KPNA5: variants seen among roughly 807,000 people sequenced by gnomAD.
The protein encoded by KPNA5 is karyopherin subunit alpha 5.
In KPNA5, 46 loss-of-function variants were observed where a neutral mutation model predicts 71.3. The observed-to-expected ratio is 0.65, with a 90% CI of 0.51 to 0.83. KPNA5 has a LOEUF of 0.83. Ranked by LOEUF, KPNA5 falls within the 40% of genes least tolerant of loss-of-function variation. The pLI, the probability that KPNA5 is intolerant of heterozygous loss-of-function variation, is 0.00. For missense variants in KPNA5, 547 were observed against 628.3 expected, an observed-to-expected ratio of 0.87 and a Z score of 1.38; for synonymous variants, 207 against 201.4, an observed-to-expected ratio of 1.03 and a Z score of -0.24.
chr6:116,694,150 T>C (rs1003095682), intron 4 of KPNA5, among the ~76,000 whole-genome samples: 6 of 152,224 alleles, frequency 3.9e-5, no homozygotes, highest in African/African-American at 1.4e-4. Context: ...CCTTGTGTTA[T>C]AGTTTGAAAT....
chr6:116,694,489 C>G (rs561264428), intron 4 of KPNA5, among the ~76,000 whole-genome samples: 2 of 152,186 alleles, frequency 1.3e-5, no homozygotes, highest in South Asian at 4.1e-4. Context: ...ATTTTATTCT[C>G]TTTGAAGCAA....
In KPNA5 at chr6:116,722,221, T is replaced by C. The variant is rs1208533139; in HGVS notation, c.852T>C (p.Asp284=). The change falls in exon 9 of 14, where the codon GAT becomes GAC. Residue 284 remains aspartate (D), a synonymous_variant. Transcript: ENST00000368564. ...GTTGGGCCCTTTCTTATCTCTCCGA[T>C]GGACCCAATGATAAAATTCAAGCAG... The part of the protein sequence containing the change: ...DVCWALSYLS[D]GPNDKIQAVI... 7 of 1,613,288 alleles carry C rather than the reference T, an allele frequency of 4.3e-6. No individual in the cohort carries two copies. In the South Asian group the frequency reaches 4.4e-5, roughly 10 times the overall value.
Position 116,732,244 on chromosome 6 carries a change from T to C in KPNA5, c.1541T>C (p.Ile514Thr). 6.3e-7 allele frequency: 1 copy of C among 1,596,486 alleles called. No homozygotes were observed. Among genetic ancestry groups the C allele is most frequent in the Non-Finnish European group, 8.5e-7 (1 of 1,171,200 alleles). ...YFGVEEDDPS[I>T]VPQVDENQQQ... ...GGTGTAGAAGAAGATGACCCCAGCA[T>C]TGTACCTCAGGTGGATGAAAACCAA... The change falls in exon 14 of 14, where the codon ATT (isoleucine) becomes ACT (threonine). Residue 514 changes from isoleucine to threonine, a missense_variant. By Grantham distance (89) the Ile-to-Thr change is moderately conservative (BLOSUM62 -1). Coordinates refer to ENST00000368564, the MANE Select transcript of KPNA5 (RefSeq NM_001366306.2).
At chr6:116,700,234 A>T (rs1045357397) in intron 5 of KPNA5, among the ~76,000 whole-genome samples, 8 of 152,120 alleles carry the variant, frequency 5.3e-5, no homozygotes, top group African/African-American at 1.9e-4. Flanking sequence ...CACTTTGGGA[A>T]GCTGAAGAGG....
intron 1 of KPNA5, among the ~76,000 whole-genome samples, chr6:116,684,039 A>C (rs1001154325): frequency 6.0e-5 from 9 of 149,974 alleles, no homozygotes; most frequent in African/African-American, 2.2e-4. Context: ...CAGCCTCCAG[A>C]GTAGCTGGGA....
chr6:116,683,225 A>C (rs1049556807), intron 1 of KPNA5, among the ~76,000 whole-genome samples: 6 of 152,236 alleles, frequency 3.9e-5, no homozygotes, highest in Admixed American at 3.9e-4. Flanking sequence ...CTAGAGTAGT[A>C]TATTAGAATA....
intron 2 of KPNA5, among the ~76,000 whole-genome samples, chr6:116,690,592 G>A (rs1487443715): frequency 1.7e-4 from 26 of 148,994 alleles, no homozygotes; most frequent in South Asian, 2.1e-4. Context: ...GCAGTGAGCC[G>A]AGTTGATGCC....
At chr6:116,702,554 A>G (rs1778269758) in intron 6 of KPNA5, among the ~76,000 whole-genome samples, 1 of 152,154 alleles carries the variant, frequency 6.6e-6, no homozygotes, top group Non-Finnish European at 1.5e-5. Context: ...GTGGTGCCAC[A>G]GCTCCTCAAG....
chr6:116,686,536 A>G (rs1777596527), intron 1 of KPNA5, among the ~76,000 whole-genome samples: 1 of 152,172 alleles, frequency 6.6e-6, no homozygotes, highest in Non-Finnish European at 1.5e-5. Context: ...TTTGCTGTGC[A>G]GGAGCTCTTA....
chr6:116,740,663 C>T lies in KPNA5; in HGVS notation c.*8340C>T, dbSNP rs1382562111. 8.6e-5 allele frequency: 13 copies of T among 152,000 alleles called. No homozygotes were observed. Among genetic ancestry groups the T allele is most frequent in the Non-Finnish European group, 2.9e-5 (2 of 67,994 alleles). The allele number at this position is 152,000 out of a possible 1,614,324, so 9.4% of individuals were successfully genotyped here. ...TATACACCATGGAATACTATGCAGCCATAAAAAATGATGAGTTCATGTCCT... is the reference window on the plus strand; with the variant it reads ...TATACACCATGGAATACTATGCAGCTATAAAAAATGATGAGTTCATGTCCT... On this transcript the variant is annotated 3_prime_UTR_variant, in exon 14 of 14. Transcript: ENST00000368564.
intron 1 of KPNA5, among the ~76,000 whole-genome samples, chr6:116,682,111 A>C (rs1777382995): frequency 6.6e-6 from 1 of 152,076 alleles, no homozygotes; most frequent in Admixed American, 6.6e-5. Flanking sequence ...CCAAAAATAC[A>C]AAAAATACAA....
intron 4 of KPNA5, among the ~76,000 whole-genome samples, chr6:116,695,866 C>T (rs1489951392): frequency 1.3e-5 from 2 of 151,998 alleles, no homozygotes; most frequent in Admixed American, 1.3e-4. Flanking sequence ...AACAGAATTT[C>T]TTTAGATTTA....
At position 116,725,733 on chromosome 6, in the gene KPNA5, A is replaced by G. The variant is rs1779264026; in HGVS notation, c.1000-18A>G. The G allele has an allele frequency of 3.8e-6, 6 of 1,594,244 alleles. No individual in the cohort carries two copies. The South Asian group carries it at 6.9e-5, about 18-fold the overall frequency. On this transcript the variant is annotated intron_variant, in intron 10 of 13. Transcript: ENST00000368564. The stretch of plus-strand genomic sequence containing the variant: ...ATTTACTATAAAACTTTTTGTTTCC[A>G]TTTCTAACTTGTTTTAGGTAATTTT...
chr6:116,692,256 T>G, intron 3 of KPNA5, 37 bp from the exon 4 acceptor site: 2 of 1,449,978 alleles, frequency 1.4e-6, no homozygotes, highest in South Asian at 1.2e-5. Context: ...ATGTAAAATA[T>G]GTAAATGTTA....
intron 10 of KPNA5, among the ~76,000 whole-genome samples, chr6:116,724,596 G>A (rs1449498421): frequency 6.6e-6 from 1 of 152,040 alleles, no homozygotes; most frequent in Non-Finnish European, 1.5e-5. Flanking sequence ...TATTTAGTAA[G>A]TTAGTTTAGT....
intron 4 of KPNA5, 46 bp from the exon 5 acceptor site, chr6:116,698,658 T>A: frequency 8.6e-7 from 1 of 1,166,444 alleles, no homozygotes; most frequent in Non-Finnish European, 1.3e-6. Flanking sequence ...CTAGATTGTT[T>A]TCTTTTTGTG....
rs151163884 is a variant in KPNA5 at position 116,686,994 on chromosome 6, G to A, written c.5-2326G>A. On this transcript the variant is annotated intron_variant, in intron 1 of 13. Transcript: ENST00000368564. Reference sequence around the variant, plus strand: ...CTCCAACTTTGTTCTTTTTGCTTAGGTTTGCCTTGGCTATTCAGTCTCTTT... The same window carrying A: ...CTCCAACTTTGTTCTTTTTGCTTAGATTTGCCTTGGCTATTCAGTCTCTTT... Among the ~76,000 whole-genome samples, 1,106 of 152,220 alleles carry A rather than the reference G, an allele frequency of 7.3e-3. 17 individuals carry two copies. The highest frequency in any genetic ancestry group is 0.024 in the African/African-American group (979 of 41,518).
intron 8 of KPNA5, among the ~76,000 whole-genome samples, chr6:116,721,023 A>G (rs1266331983): frequency 1.3e-5 from 2 of 152,216 alleles, no homozygotes. Flanking sequence ...GATGGTAACT[A>G]CTTCCAGAAA....
At chr6:116,717,787 C>G in intron 8 of KPNA5, among the ~76,000 whole-genome samples, 1 of 152,134 alleles carries the variant, frequency 6.6e-6, no homozygotes. Context: ...GCCTCCATGT[C>G]CAGTGCCCTC....
Sources: allele counts gnomAD v4.1 joint callset (sites outside exome capture counted in the v4.1 genomes callset), GRCh38; gene constraint gnomAD v4.1.1; transcripts MANE v1.5; gene names NCBI Gene and HGNC (gene_info 2026-07-23, HGNC 2026-07-21).